The following RBFOX3 variants were observed in gnomAD, a reference collection of about 807,000 sequenced individuals.
RBFOX3 encodes RNA binding protein fox-1 homolog 3.
RBFOX3 carries 17 observed loss-of-function variants against 48.7 expected under a neutral mutation model. The ratio of observed to expected loss-of-function variants is 0.35; its 90% CI spans 0.24 to 0.52. The LOEUF (loss-of-function observed/expected upper bound fraction) is 0.52. Ranked by LOEUF, RBFOX3 falls within the 20% of genes least tolerant of loss-of-function variation. The pLI is 0.94. For missense variants in RBFOX3, 382 were observed against 497.5 expected, an observed-to-expected ratio of 0.77 and a Z score of 2.21; for synonymous variants, 212 against 209.5, an observed-to-expected ratio of 1.01 and a Z score of -0.10.
At chr17:79,129,505 G>C (rs2038247306) in intron 4 of RBFOX3, among the ~76,000 whole-genome samples, 1 of 152,024 alleles carries the variant, frequency 6.6e-6, no homozygotes, top group African/African-American at 2.4e-5. Flanking sequence ...CTCCTGCTGA[G>C]CCAGTTGTCC....
intron 2 of RBFOX3, among the ~76,000 whole-genome samples, chr17:79,419,342 T>C (rs1432117877): frequency 6.6e-6 from 1 of 152,176 alleles, no homozygotes; most frequent in Non-Finnish European, 1.5e-5. Context: ...TCATCAGAGG[T>C]GTTTCCAGAA....
chr17:79,542,575 G>C (rs1028398689), intron 1 of RBFOX3, among the ~76,000 whole-genome samples: 4 of 152,220 alleles, frequency 2.6e-5, no homozygotes, highest in Admixed American at 6.5e-5. Context: ...CCTGAGATCA[G>C]GAGTTCGAGA....
In RBFOX3 at chr17:79,198,165, C is replaced by T. The variant is rs1242635381; in HGVS notation, c.-34+37601G>A. On this transcript the variant is annotated intron_variant, in intron 4 of 14. Transcript: ENST00000693108. The surrounding 1 kb of genome is among the most constrained non-coding windows in gnomAD (Gnocchi z 8.2). ...GCATCGTGTGGGGTGGGCTGTCATCCCGGAAGTGCTACGGTTGCATCGCTG... is the reference window on the plus strand; with the variant it reads ...GCATCGTGTGGGGTGGGCTGTCATCTCGGAAGTGCTACGGTTGCATCGCTG... Among the ~76,000 whole-genome samples, 2 of 151,522 alleles carry T rather than the reference C, an allele frequency of 1.3e-5. No homozygotes were observed. The highest frequency in any genetic ancestry group is 2.9e-5 in the Non-Finnish European group (2 of 67,986).
intron 3 of RBFOX3, among the ~76,000 whole-genome samples, chr17:79,285,769 C>T (rs568482073): frequency 5.9e-5 from 9 of 152,252 alleles, no homozygotes; most frequent in East Asian, 3.9e-4. Context: ...TTGCAACCTC[C>T]GCCTCCTGAG....
the RBFOX3 span, among the ~76,000 whole-genome samples, chr17:79,619,227 C>T: frequency 1.3e-5 from 2 of 152,270 alleles, no homozygotes; most frequent in South Asian, 4.1e-4. Context: ...TGCCCAGGGC[C>T]AGCACAAAAG....
rs932257894 is a variant in RBFOX3 at position 79,517,794 on chromosome 17, G to A, written c.-319-35196C>T. On this transcript the variant is annotated intron_variant, in intron 1 of 14. Transcript: ENST00000693108. ...TCGACGGAAACATCAGGAAATTTCC[G>A]CTTCTGAGACACATGATCTCCATCC... Among the ~76,000 whole-genome samples, 1,016 of 152,246 alleles carry A rather than the reference G, an allele frequency of 6.7e-3. 13 individuals are homozygous for A. The highest frequency in any genetic ancestry group is 0.046 in the South Asian group (224 of 4,818).
intron 3 of RBFOX3, among the ~76,000 whole-genome samples, chr17:79,304,422 T>C (rs2075801928): frequency 6.7e-6 from 1 of 149,666 alleles, no homozygotes; most frequent in Non-Finnish European, 1.5e-5. Flanking sequence ...TATGTACATA[T>C]ATATTTTGAT....
chr17:79,318,276 G>T (rs943489604), intron 2 of RBFOX3, among the ~76,000 whole-genome samples: 4 of 152,166 alleles, frequency 2.6e-5, no homozygotes, highest in Non-Finnish European at 1.5e-5. Context: ...AGGAGAAGGA[G>T]GTCTGTGTGC....
At chr17:79,271,589 GCCATGTTCCTACCA>G (rs889254665) in intron 3 of RBFOX3, among the ~76,000 whole-genome samples, 24 of 152,160 alleles carry the variant, frequency 1.6e-4, no homozygotes, top group African/African-American at 5.8e-4. Flanking sequence ...GGATGCCTGG[GCCATGTTCCTACCA>G]CCAAGTCTTT....
At chr17:79,450,615 T>C (rs1313020643) in intron 2 of RBFOX3, among the ~76,000 whole-genome samples, 2 of 152,102 alleles carry the variant, frequency 1.3e-5, no homozygotes, top group Admixed American at 6.6e-5. Context: ...TTTCAACTTA[T>C]GGTGGGTTTG....
At chr17:79,127,684 G>A (rs1401410587) in intron 4 of RBFOX3, among the ~76,000 whole-genome samples, 1 of 152,190 alleles carries the variant, frequency 6.6e-6, no homozygotes, top group East Asian at 1.9e-4. Flanking sequence ...CACATCGTGT[G>A]CTGGGGTCGG....
Position 79,261,570 on chromosome 17 carries a change from C to T in RBFOX3, c.-73-25765G>A, listed in dbSNP as rs56271952. Among the ~76,000 whole-genome samples the T allele has an allele frequency of 5.9e-3, 906 of 152,322 alleles. 8 individuals are homozygous for T. Among genetic ancestry groups the T allele is most frequent in the African/African-American group, 0.02 (844 of 41,574 alleles). On this transcript the variant is annotated intron_variant, in intron 3 of 14. Transcript: ENST00000693108. ...GCACAGGATTCCCTGGAGGGCTCTC[C>T]ACAGTGCAGAGTCAATGATGCGGCA... is the stretch of plus-strand genomic sequence containing the variant.
chr17:79,166,171 G>A (rs1018236290), intron 4 of RBFOX3, among the ~76,000 whole-genome samples: 8 of 152,174 alleles, frequency 5.3e-5, no homozygotes, highest in Admixed American at 1.3e-4. Context: ...GGGCAGGTAA[G>A]GGCGAACCTT....
intron 3 of RBFOX3, among the ~76,000 whole-genome samples, chr17:79,292,925 T>G (rs957832721): frequency 1.3e-5 from 2 of 152,276 alleles, no homozygotes. Flanking sequence ...AATTCCTCCC[T>G]GGAGGTTTTG....
At chr17:79,176,147 C>A (rs907538327) in intron 4 of RBFOX3, among the ~76,000 whole-genome samples, 7 of 152,190 alleles carry the variant, frequency 4.6e-5, no homozygotes, top group African/African-American at 1.7e-4. Context: ...GAGACGGTGA[C>A]GCCCCACCTC....
intron 4 of RBFOX3, among the ~76,000 whole-genome samples, chr17:79,128,392 G>A (rs1271226217): frequency 6.6e-6 from 1 of 152,182 alleles, no homozygotes; most frequent in African/African-American, 2.4e-5. Context: ...GTTTTCCCCA[G>A]GTGCTTTGTG....
In RBFOX3 at chr17:79,544,511, G is replaced by T. The variant is rs1186718652; in HGVS notation, c.-319-61913C>A. Among the ~76,000 whole-genome samples the T allele has an allele frequency of 5.3e-5, 8 of 152,002 alleles. No homozygotes were observed. The South Asian group carries it at 1.0e-3, about 20-fold the overall frequency. On this transcript the variant is annotated intron_variant, in intron 1 of 14. Coordinates refer to ENST00000693108, the MANE Select transcript of RBFOX3 (RefSeq NM_001350451.2). ...AGAGAAGAGAAACAAAGCGCAGAAG[G>T]ATCAGGAGCCCCCATCAAGGCTTGG... is the stretch of plus-strand genomic sequence containing the variant.
At chr17:79,094,921 G>A (rs1011838465) in intron 13 of RBFOX3, among the ~76,000 whole-genome samples, 9 of 152,120 alleles carry the variant, frequency 5.9e-5, no homozygotes, top group South Asian at 2.1e-4. Flanking sequence ...GAGGGTCAAC[G>A]AGGAGGGACC....
chr17:79,496,174 G>C (rs1413636062), intron 1 of RBFOX3, among the ~76,000 whole-genome samples: 1 of 152,056 alleles, frequency 6.6e-6, no homozygotes, highest in Non-Finnish European at 1.5e-5. Context: ...TGACCTGAGG[G>C]CTTCCGGGAG....
Sources: gnomAD v4.1 joint callset for allele counts (sites outside exome capture counted in the v4.1 genomes callset) on GRCh38, gnomAD v4.1.1 for gene constraint, Gnocchi (gnomAD v3.1) non-coding constraint, MANE v1.5 for transcripts, NCBI Gene and HGNC (gene_info 2026-07-23, HGNC 2026-07-21) for gene names.